Variants in TYRO3 observed in about 807,000 individuals in gnomAD.
The protein encoded by TYRO3 is TYRO3 protein tyrosine kinase.
A neutral mutation model predicts 95.2 loss-of-function variants in TYRO3; 38 were observed. The ratio of observed to expected loss-of-function variants is 0.40; its 90% CI spans 0.31 to 0.52. The LOEUF (loss-of-function observed/expected upper bound fraction) is 0.52. TYRO3 is among the 20% of genes least tolerant of loss of function. The pLI is 0.56. For missense variants in TYRO3, 812 were observed against 1,116.4 expected (o/e 0.73, Z 3.89); for synonymous variants, 367 against 432.9 (o/e 0.85, Z 1.89).
chr15:41,560,284 C>A (rs1379711539), intron 1 of TYRO3, among the ~76,000 whole-genome samples: 1 of 152,114 alleles, frequency 6.6e-6, no homozygotes. Flanking sequence ...TGCCTAGAGT[C>A]ACACAGCAAA....
intron 18 of TYRO3, among the ~76,000 whole-genome samples, chr15:41,576,752 C>T (rs780234009): frequency 1.7e-4 from 25 of 148,646 alleles, no homozygotes; most frequent in Non-Finnish European, 3.1e-4. Flanking sequence ...TAGCATCAAA[C>T]CCCTGGGTTC....
Position 41,580,167 on chromosome 15 carries a change from A to G in TYRO3, c.*1891A>G, listed in dbSNP as rs1343872199. ...TGTAATTAGATACAGGATCCCAATG[A>G]ATCTTATTATACTGAAGATAATACA... is the stretch of plus-strand genomic sequence containing the variant. On this transcript the variant is annotated 3_prime_UTR_variant, in exon 19 of 19. Coordinates refer to ENST00000263798, the MANE Select transcript of TYRO3 (RefSeq NM_006293.4). The G allele has an allele frequency of 6.6e-6, 1 of 152,178 alleles. No homozygotes were observed. The highest frequency in any genetic ancestry group is 1.5e-5 in the Non-Finnish European group (1 of 68,038). The allele number at this position is 152,178 out of a possible 1,614,324, so 9.4% of individuals were successfully genotyped here. A position where few individuals can be genotyped will look rare whatever the true frequency, so the allele number is the denominator to read the frequency against.
At chr15:41,560,557 C>T (rs972475241) in intron 1 of TYRO3, among the ~76,000 whole-genome samples, 2 of 152,154 alleles carry the variant, frequency 1.3e-5, no homozygotes, top group East Asian at 1.9e-4. Context: ...CTTCCTAGCA[C>T]TCGCCCCTGC....
chr15:41,573,511 A>G, intron 17 of TYRO3, 44 bp downstream of exon 17: 3 of 1,613,092 alleles, frequency 1.9e-6, no homozygotes, highest in Non-Finnish European at 1.7e-6. Context: ...CGAGTGTGAG[A>G]GCAGACCTTT....
chr15:41,569,608 A>T (rs1044555074), intron 9 of TYRO3, among the ~76,000 whole-genome samples: 4 of 152,014 alleles, frequency 2.6e-5, no homozygotes, highest in Non-Finnish European at 5.9e-5. Flanking sequence ...TTACCAAAAA[A>T]ATTTAAAAAT....
Position 41,570,016 on chromosome 15 carries a change from C to T in TYRO3, c.1253-11C>T, listed in dbSNP as rs147473783. ...CATCCTAGCTCATGCCACTGCACCT[C>T]CCTCCCACAGGCCAGCAGGGCCCTC... On this transcript the variant is annotated splice_polypyrimidine_tract_variant and intron_variant, in intron 9 of 18. Coordinates refer to ENST00000263798, the MANE Select transcript of TYRO3 (RefSeq NM_006293.4). 989 of 1,473,604 alleles carry T rather than the reference C, an allele frequency of 6.7e-4. 9 individuals carry two copies. The South Asian group carries it at 9.3e-3, about 14-fold the overall frequency. 91.3% of individuals were successfully genotyped at this position (1,473,604 alleles called of 1,614,324 possible).
At chr15:41,572,019 A>C (rs1390353175) in intron 14 of TYRO3, among the ~76,000 whole-genome samples, 2 of 151,676 alleles carry the variant, frequency 1.3e-5, no homozygotes, top group African/African-American at 4.8e-5. Flanking sequence ...CAAAACAAAA[A>C]ACATACACAC....
At chr15:41,570,850 T>A in intron 12 of TYRO3, 151 bp downstream of exon 12, 1 of 925,708 alleles carries the variant, frequency 1.1e-6, no homozygotes, top group Non-Finnish European at 1.7e-6. Flanking sequence ...TTGTGGGGAA[T>A]GGTGGCTGGA....
intron 1 of TYRO3, among the ~76,000 whole-genome samples, chr15:41,560,099 G>A (rs897113643): frequency 3.9e-5 from 6 of 152,246 alleles, no homozygotes; most frequent in Non-Finnish European, 7.3e-5. Context: ...CTGGTCCTGA[G>A]AGGGTGAAGG....
chr15:41,564,147 G>A, intron 4 of TYRO3, 37 bp from the exon 5 acceptor site: 3 of 1,588,812 alleles, frequency 1.9e-6, no homozygotes, highest in Non-Finnish European at 2.6e-6. Context: ...GAGTGGGGTT[G>A]CTGCTTGGGG....
At chr15:41,562,851 C>A in intron 4 of TYRO3, 133 bp downstream of exon 4, 1 of 902,046 alleles carries the variant, frequency 1.1e-6, no homozygotes, top group Non-Finnish European at 1.7e-6. Context: ...GGGACGTGAG[C>A]TGCACCATTA....
chr15:41,566,116 C>T (rs1378871628), intron 6 of TYRO3, among the ~76,000 whole-genome samples: 1 of 151,906 alleles, frequency 6.6e-6, no homozygotes, highest in African/African-American at 2.4e-5. Context: ...GGTTCAAGAC[C>T]AGCCTGGGCA....
Position 41,578,212 on chromosome 15 carries a change from C to G in TYRO3, c.2609C>G (p.Pro870Arg). The stretch of plus-strand genomic sequence containing the variant: ...CAGGCAGAGCACCAGCCAGAGAGTC[C>G]CCTCAATGAGACACAGAGGCTTTTG... ...PGQAEHQPESPLNETQRLLLL... is the reference protein window; with the variant it reads ...PGQAEHQPESRLNETQRLLLL... The change falls in exon 19 of 19, where the codon CCC (proline) becomes CGC (arginine). Residue 870 changes from proline (P) to arginine (R), a missense_variant. Physicochemically the swap from Pro to Arg is moderately radical, Grantham distance 103. Coordinates refer to ENST00000263798, the MANE Select transcript of TYRO3 (RefSeq NM_006293.4). 6.2e-7 allele frequency: 1 copy of G among 1,613,810 alleles called. No individual in the cohort carries two copies. Among genetic ancestry groups the G allele is most frequent in the Non-Finnish European group, 8.5e-7 (1 of 1,180,034 alleles).
intron 18 of TYRO3, among the ~76,000 whole-genome samples, chr15:41,575,880 G>A (rs1048082732): frequency 6.6e-6 from 1 of 152,004 alleles, no homozygotes; most frequent in Non-Finnish European, 1.5e-5. Flanking sequence ...TTTGGGAGGC[G>A]GATCTCCTGA....
chr15:41,565,582 C>CTTTTTT (rs71104798), intron 6 of TYRO3, among the ~76,000 whole-genome samples: 6 of 133,302 alleles, frequency 4.5e-5, no homozygotes, highest in African/African-American at 2.8e-5. Flanking sequence ...GCCCAGCTAA[C>CTTTTTT]TTTTTTTTTT....
At chr15:41,571,321 G>A (rs921587056) in intron 13 of TYRO3, among the ~76,000 whole-genome samples, 4 of 152,132 alleles carry the variant, frequency 2.6e-5, no homozygotes, top group African/African-American at 4.8e-5. Context: ...CTCTGCCATC[G>A]GCAGTGACTG....
At chr15:41,567,121 A>T (rs2055732963) in intron 6 of TYRO3, among the ~76,000 whole-genome samples, 1 of 152,206 alleles carries the variant, frequency 6.6e-6, no homozygotes, top group Non-Finnish European at 1.5e-5. Context: ...TGAGTCTTAA[A>T]GGATGAGTAG....
intron 5 of TYRO3, chr15:41,564,684 C>T (rs2055699948): frequency 5.3e-6 from 2 of 380,746 alleles, no homozygotes; most frequent in Non-Finnish European, 5.0e-6. Context: ...TCTGCAGGAG[C>T]CAGGCTGTGG....
At chr15:41,568,767 C>T (rs534939819) in intron 8 of TYRO3, 111 bp from the exon 9 acceptor site, 82 of 1,305,048 alleles carry the variant, frequency 6.3e-5, no homozygotes, top group Admixed American at 2.4e-4. Flanking sequence ...CCTGAACCCA[C>T]AGTGCCCCTA....
Sources: allele counts gnomAD v4.1 joint callset (sites outside exome capture counted in the v4.1 genomes callset), GRCh38; gene constraint gnomAD v4.1.1; transcripts MANE v1.5; gene names NCBI Gene and HGNC (gene_info 2026-07-23, HGNC 2026-07-21).